Variants in GALC observed in about 807,000 individuals in gnomAD.
GALC encodes galactosylceramidase.
Under a neutral mutation model 91.8 loss-of-function variants are expected in GALC, and 77 were observed. That is an observed-to-expected ratio of 0.84 (90% CI 0.70 to 1.01). The LOEUF (loss-of-function observed/expected upper bound fraction) is 1.01. Among genes scored for constraint, GALC ranks in the 50% least tolerant of loss-of-function variants. GALC has a pLI of 0.00. For synonymous variants in GALC, 357 were observed against 306.7 expected (o/e 1.16, Z -1.71); for missense variants, 882 against 855.9 (o/e 1.03, Z -0.38).
chr14:87,992,441 C>G (rs752957580), intron 1 of GALC: 3 of 1,535,258 alleles, frequency 2.0e-6, no homozygotes, highest in Non-Finnish European at 1.7e-6. Flanking sequence ...GCGCTACCCT[C>G]TCTGGAGGAG....
At chr14:87,940,007 TAGATA>T in intron 15 of GALC, 26 bp from the exon 16 acceptor site, 18 of 1,543,196 alleles carry the variant, frequency 1.2e-5, no homozygotes, top group Non-Finnish European at 1.6e-5. Flanking sequence ...ATTATCCCAA[TAGATA>T]TAATTTTGAG....
At chr14:87,980,504 C>T in intron 6 of GALC, 1 of 982,554 alleles carries the variant, frequency 1.0e-6, no homozygotes. Flanking sequence ...TATCCCTTTA[C>T]CTCTCAATCT....
chr14:87,949,890 T>C lies in GALC; in HGVS notation c.1293A>G (p.Gly431=), dbSNP rs1033051287. 2 of 1,600,642 alleles carry C rather than the reference T, an allele frequency of 1.2e-6. No individual in the cohort carries two copies. The highest frequency in any genetic ancestry group is 8.6e-7 in the Non-Finnish European group (1 of 1,168,472). Residue 431 remains glycine, a synonymous_variant, in exon 12 of 17, where the codon GGA becomes GGG. Coordinates refer to ENST00000261304, the MANE Select transcript of GALC (RefSeq NM_000153.4). ...TAAAAAGAAATCTTTCGGATGTTTT[T>C]CCAAGTTTGGTATACCATACCTGTA... is the stretch of plus-strand genomic sequence containing the variant. ...PELQVWYTKL[G]KTSERFLFKQ...
intron 16 of GALC, among the ~76,000 whole-genome samples, chr14:87,939,078 GAAAA>G (rs1388311010): frequency 6.6e-6 from 1 of 151,740 alleles, no homozygotes; most frequent in African/African-American, 2.4e-5. Context: ...TATGAGTTTG[GAAAA>G]AATCTTCAAA....
chr14:87,992,896 C>T, intron 1 of GALC, 74 bp downstream of exon 1: 1 of 1,442,188 alleles, frequency 6.9e-7, no homozygotes, highest in Non-Finnish European at 9.1e-7. Context: ...GGCAACGCCG[C>T]GGGGGCTTGT....
chr14:87,963,587 G>C, intron 9 of GALC, 76 bp from the exon 10 acceptor site: 1 of 1,289,596 alleles, frequency 7.8e-7, no homozygotes, highest in Non-Finnish European at 1.1e-6. Context: ...AAAAAAAGCT[G>C]TATATCAATT....
intron 10 of GALC, chr14:87,953,924 T>TC: frequency 1.2e-6 from 2 of 1,610,186 alleles, no homozygotes; most frequent in Non-Finnish European, 1.7e-6. Flanking sequence ...CAGTAATTGA[T>TC]CAATCAGAAA....
At chr14:87,962,897 G>C (rs1885868241) in intron 10 of GALC, among the ~76,000 whole-genome samples, 1 of 152,000 alleles carries the variant, frequency 6.6e-6, no homozygotes, top group East Asian at 1.9e-4. Context: ...TTGAATCCTT[G>C]ATATGTCTGC....
chr14:87,947,899 G>A, intron 12 of GALC, 21 bp from the exon 13 acceptor site: 1 of 1,608,708 alleles, frequency 6.2e-7, no homozygotes, highest in South Asian at 1.1e-5. Flanking sequence ...AGACACTACT[G>A]TATTCAGGAC....
At chr14:87,960,750 G>A (rs1885769689) in intron 10 of GALC, among the ~76,000 whole-genome samples, 1 of 152,120 alleles carries the variant, frequency 6.6e-6, no homozygotes, top group Non-Finnish European at 1.5e-5. Context: ...TCAAAAAATA[G>A]TGCAGGGACA....
intron 3 of GALC, 155 bp downstream of exon 3, chr14:87,987,989 A>G: frequency 1.6e-6 from 1 of 639,520 alleles, no homozygotes; most frequent in Admixed American, 2.7e-5. Flanking sequence ...ATATTTTTAA[A>G]TAATTACAGT....
At chr14:87,953,037 A>C in intron 10 of GALC, 3 of 1,338,898 alleles carry the variant, frequency 2.2e-6, no homozygotes, top group East Asian at 4.7e-5. Flanking sequence ...TTGTAGTACT[A>C]AACAAATTAA....
At position 87,950,736 on chromosome 14, in the gene GALC, A is replaced by G. The variant is rs1200769534; in HGVS notation, c.1174T>C (p.Ser392Pro). The G allele has an allele frequency of 1.3e-6, 2 of 1,548,496 alleles. No individual in the cohort carries two copies. Among genetic ancestry groups the G allele is most frequent in the Admixed American group, 1.9e-5 (1 of 51,664 alleles). ...IIIETMSHKH[S>P]KCIRPFLPYF... Reference sequence around the variant, plus strand: ...GGAAGAAATGGCCGTATGCACTTAGAATGTTTATGACTCTGAAAAAAAAAA... The same window carrying G: ...GGAAGAAATGGCCGTATGCACTTAGGATGTTTATGACTCTGAAAAAAAAAA... The change falls in exon 11 of 17, where the codon TCT becomes CCT. Residue 392 changes from serine to proline, a missense_variant. Coordinates refer to ENST00000261304, the MANE Select transcript of GALC (RefSeq NM_000153.4).
chr14:87,984,551 G>A lies in GALC; in HGVS notation c.443-18C>T. On this transcript the variant is annotated intron_variant, in intron 4 of 16. Transcript: ENST00000261304. ...TGGCAACCCTGCAGAGAGAAGGGAG[G>A]AGGCAAAGGTAGAGGAGGTATAACG... 1 of 1,614,022 alleles carries A rather than the reference G, an allele frequency of 6.2e-7. No homozygotes were observed. Among genetic ancestry groups the A allele is most frequent in the Non-Finnish European group, 8.5e-7 (1 of 1,179,952 alleles).
rs374868151 is a variant in GALC at position 87,947,799 on chromosome 14, C to T, written c.1418G>A (p.Arg473His). The T allele has an allele frequency of 9.1e-5, 146 of 1,612,654 alleles. No individual in the cohort carries two copies. The highest frequency in any genetic ancestry group is 1.2e-4 in the Non-Finnish European group (137 of 1,179,190). The change falls in exon 13 of 17, where the codon CGC (arginine) becomes CAC (histidine). Residue 473 changes from arginine (R) to histidine (H), a missense_variant. Physicochemically the swap from Arg to His is conservative, Grantham distance 29. Coordinates refer to ENST00000261304, the MANE Select transcript of GALC (RefSeq NM_000153.4). ...TGGAGGAAGCGGGTAGCTGCCTTTG[C>T]GACCAGTGGTGAGAGTGGTGAGTGT... is the stretch of plus-strand genomic sequence containing the variant. ...LFTLTTLTTG[R>H]KGSYPLPPKS...
intron 8 of GALC, among the ~76,000 whole-genome samples, chr14:87,966,676 T>G (rs965881084): frequency 2.0e-5 from 3 of 152,216 alleles, no homozygotes; most frequent in Admixed American, 6.5e-5. Context: ...TAGTGATAGA[T>G]GTATAACTCA....
At chr14:87,945,840 AT>A (rs747420395) in intron 13 of GALC, 107 bp from the exon 14 acceptor site, 60 of 849,152 alleles carry the variant, frequency 7.1e-5, no homozygotes, top group Non-Finnish European at 1.0e-4. Flanking sequence ...TTTTAAATAA[AT>A]AAATAAAATC....
intron 6 of GALC, among the ~76,000 whole-genome samples, chr14:87,977,617 AG>A (rs1301441113): frequency 6.6e-6 from 1 of 152,216 alleles, no homozygotes; most frequent in Non-Finnish European, 1.5e-5. Flanking sequence ...CCACTACTAT[AG>A]CCCCCAAGGA....
intron 10 of GALC, among the ~76,000 whole-genome samples, chr14:87,952,367 G>C (rs1012965538): frequency 3.3e-5 from 5 of 151,914 alleles, no homozygotes; most frequent in African/African-American, 1.2e-4. Context: ...TAAAGGAATT[G>C]ATATTTGACA....
Sources: gnomAD v4.1 joint callset for allele counts (sites outside exome capture counted in the v4.1 genomes callset) on GRCh38, gnomAD v4.1.1 for gene constraint, MANE v1.5 for transcripts, NCBI Gene and HGNC (gene_info 2026-07-23, HGNC 2026-07-21) for gene names.